Variants in EYA1 observed in about 807,000 individuals in gnomAD.
EYA1 encodes protein phosphatase EYA1.
EYA1 carries 16 observed loss-of-function variants against 82.0 expected under a neutral mutation model. That is an observed-to-expected ratio of 0.20 (90% CI 0.13 to 0.30). EYA1 has a LOEUF of 0.30. Ranked by LOEUF, EYA1 falls within the 10% of genes least tolerant of loss-of-function variation. The probability of loss-of-function intolerance (pLI) is 1.00; values close to 1 mark genes in which losing one functional copy is unlikely to be tolerated. For missense variants in EYA1, 633 were observed against 730.7 expected (o/e 0.87, Z 1.54); for synonymous variants, 261 against 264.4 (o/e 0.99, Z 0.12).
chr8:71,377,933 C>A (rs942345200), intron 2 of EYA1, among the ~76,000 whole-genome samples: 2 of 152,034 alleles, frequency 1.3e-5, no homozygotes, highest in African/African-American at 2.4e-5. Context: ...TGTCACAAAA[C>A]CACCTTTTGC....
intron 2 of EYA1, among the ~76,000 whole-genome samples, chr8:71,395,555 G>C (rs1036390256): frequency 6.6e-6 from 1 of 152,052 alleles, no homozygotes; most frequent in Admixed American, 6.6e-5. Context: ...ATAATCATGT[G>C]GTTTTTGTCT....
At chr8:71,292,563 A>C (rs1819122668) in intron 9 of EYA1, among the ~76,000 whole-genome samples, 2 of 152,088 alleles carry the variant, frequency 1.3e-5, no homozygotes, top group South Asian at 4.1e-4. Flanking sequence ...TTCTAATAAG[A>C]GAAAGCCATT....
rs1333935578 is a variant in EYA1, at chr8:71,304,997, CA to C, written c.557-5278del. On this transcript the variant is annotated intron_variant, in intron 7 of 17. Transcript: ENST00000340726. The stretch of plus-strand genomic sequence containing the variant: ...CACATTTGTGTAGAAGGCTGTCACA[CA>C]CCAGGCTTGAACCTGGATGCTAGAG... Among the ~76,000 whole-genome samples, 5 of 143,006 alleles carry C rather than the reference CA, an allele frequency of 3.5e-5. 1 individual carries two copies. The highest frequency in any genetic ancestry group is 7.9e-5 in the Non-Finnish European group (5 of 62,894). 93.8% of individuals were successfully genotyped at this position (143,006 alleles called of 152,430 possible).
intron 2 of EYA1, among the ~76,000 whole-genome samples, chr8:71,394,093 G>C (rs1393542930): frequency 2.0e-5 from 3 of 152,164 alleles, no homozygotes; most frequent in African/African-American, 4.8e-5. Flanking sequence ...GTCTTCTTTT[G>C]AGAAGTGTCT....
At chr8:71,362,540 TG>T (rs1378912947), upstream of EYA1, among the ~76,000 whole-genome samples, 7 of 152,162 alleles carry the variant, frequency 4.6e-5, no homozygotes, top group Non-Finnish European at 1.0e-4. Context: ...GAAACAGGTC[TG>T]GGGGAAATAA....
Position 71,468,225 on chromosome 8 carries a change from CA to C in EYA1, c.33+67518del, listed in dbSNP as rs777280397. On this transcript the variant is annotated intron_variant, in intron 2 of 18. Coordinates refer to the EYA1 transcript ENST00000643681. ...ACTTGCCCAAGTTCATCCCATTAGG[CA>C]AAGAATAACCCCATCAATAGCAGAG... 7.9e-5 allele frequency among the ~76,000 whole-genome samples: 12 copies of C among 152,264 alleles called. No homozygotes were observed. The South Asian group carries it at 2.5e-3, about 32-fold the overall frequency.
At position 71,308,708 on chromosome 8, in the gene EYA1, T is replaced by G. The variant is rs1255874487; in HGVS notation, c.556+8844A>C. Among the ~76,000 whole-genome samples, 14 of 151,186 alleles carry G rather than the reference T, an allele frequency of 9.3e-5. No individual in the cohort carries two copies. In the Admixed American group the frequency reaches 9.3e-4, roughly 10 times the overall value. On this transcript the variant is annotated intron_variant, in intron 7 of 17. Coordinates refer to ENST00000340726, the MANE Select transcript of EYA1 (RefSeq NM_000503.6). ...CAGTTATAACTTCAAAAAGCTTTTT[T>G]TTTTTTTTAAGAAAAAAAAAAAAGG... is the stretch of plus-strand genomic sequence containing the variant.
At chr8:71,435,054 A>G (rs555793475) in intron 2 of EYA1, among the ~76,000 whole-genome samples, 1 of 152,248 alleles carries the variant, frequency 6.6e-6, no homozygotes, top group Admixed American at 6.5e-5. Flanking sequence ...GGGCAAATGC[A>G]TCTTTTAAGT....
chr8:71,238,040 C>T (rs919441467), intron 12 of EYA1, among the ~76,000 whole-genome samples: 3 of 152,026 alleles, frequency 2.0e-5, no homozygotes, highest in Admixed American at 1.3e-4. Context: ...TTTATAGGAT[C>T]TCAATACTTA....
intron 11 of EYA1, among the ~76,000 whole-genome samples, chr8:71,255,281 T>C (rs556657748): frequency 1.2e-4 from 19 of 152,250 alleles, no homozygotes; most frequent in African/African-American, 4.6e-4. Context: ...CAAGGGACCT[T>C]GAAGATCCAA....
intron 2 of EYA1, among the ~76,000 whole-genome samples, chr8:71,387,028 C>A (rs780538745): frequency 6.6e-6 from 1 of 152,284 alleles, no homozygotes; most frequent in East Asian, 1.9e-4. Context: ...GATTGTACCA[C>A]ACGCTGATAA....
intron 2 of EYA1, among the ~76,000 whole-genome samples, chr8:71,481,064 T>G (rs1810110159): frequency 1.3e-5 from 2 of 152,132 alleles, no homozygotes; most frequent in Admixed American, 1.3e-4. Flanking sequence ...TGTATACATA[T>G]TAGAATATTT....
intron 2 of EYA1, among the ~76,000 whole-genome samples, chr8:71,391,163 C>T (rs1250518958): frequency 6.6e-6 from 1 of 151,794 alleles, no homozygotes; most frequent in African/African-American, 2.4e-5. Context: ...TTTTATTTTT[C>T]GTAGAGACAG....
chr8:71,275,117 C>A (rs1817012579), intron 9 of EYA1, among the ~76,000 whole-genome samples: 1 of 152,058 alleles, frequency 6.6e-6, no homozygotes, highest in Admixed American at 6.5e-5. Context: ...TGGCAGGGTG[C>A]TGGAGAGGAG....
intron 12 of EYA1, among the ~76,000 whole-genome samples, chr8:71,235,319 C>T (rs1454494962): frequency 6.6e-6 from 1 of 152,210 alleles, no homozygotes; most frequent in Non-Finnish European, 1.5e-5. Flanking sequence ...GACCCTTCAT[C>T]ATCTGGACCC....
At position 71,303,128 on chromosome 8, in the gene EYA1, T is replaced by A. The variant is rs965574673; in HGVS notation, c.557-3408A>T. Among the ~76,000 whole-genome samples the A allele has an allele frequency of 2.5e-4, 36 of 142,362 alleles. 1 individual carries two copies. Among genetic ancestry groups the A allele is most frequent in the African/African-American group, 8.9e-4 (36 of 40,384 alleles). The allele number at this position is 142,362 out of a possible 152,430, so 93.4% of individuals were successfully genotyped here. ...TTCCTCCTGTCAAATCCAGGTTAAC[T>A]TTGATTGCACTTCACAATTCAGCAG... is the stretch of plus-strand genomic sequence containing the variant. On this transcript the variant is annotated intron_variant, in intron 7 of 17. Transcript: ENST00000340726.
chr8:71,388,324 T>C (rs927898935), intron 2 of EYA1, among the ~76,000 whole-genome samples: 2 of 152,198 alleles, frequency 1.3e-5, no homozygotes, highest in Non-Finnish European at 2.9e-5. Flanking sequence ...GTAATTGTTA[T>C]CTGGAATGAG....
intron 9 of EYA1, among the ~76,000 whole-genome samples, chr8:71,290,915 T>TACA (rs2128986825): frequency 6.6e-6 from 1 of 152,348 alleles, no homozygotes; most frequent in Admixed American, 6.5e-5. Context: ...CTATTTCAGA[T>TACA]ACAAATATTT....
chr8:71,313,304 G>A (rs1354686008), intron 7 of EYA1, among the ~76,000 whole-genome samples: 2 of 151,720 alleles, frequency 1.3e-5, no homozygotes, highest in African/African-American at 4.8e-5. Context: ...ATGCTTATTT[G>A]GTTATTGGTT....
Sources: allele counts gnomAD v4.1 joint callset (sites outside exome capture counted in the v4.1 genomes callset), GRCh38; gene constraint gnomAD v4.1.1; transcripts MANE v1.5; gene names NCBI Gene and HGNC (gene_info 2026-07-23, HGNC 2026-07-21).